Variants in KLHL8 observed in about 807,000 individuals in gnomAD.
KLHL8 encodes kelch like family member 8.
Under a neutral mutation model 63.5 loss-of-function variants are expected in KLHL8, and 38 were observed. The ratio of observed to expected loss-of-function variants is 0.60; its 90% confidence interval spans 0.46 to 0.78. KLHL8 has a LOEUF of 0.78. KLHL8 is among the 30% of genes least tolerant of loss of function. The pLI is 0.00. For missense variants in KLHL8, 566 were observed against 752.4 expected, an observed-to-expected ratio of 0.75 and a Z score of 2.90; for synonymous variants, 224 against 254.3, an observed-to-expected ratio of 0.88 and a Z score of 1.13.
In KLHL8 at chr4:87,183,322, T is replaced by C; in HGVS notation, c.833A>G (p.Gln278Arg). 1 of 1,613,528 alleles carries C rather than the reference T, an allele frequency of 6.2e-7. No homozygotes were observed. The highest frequency in any genetic ancestry group is 8.5e-7 in the Non-Finnish European group (1 of 1,179,580). ...GVVAKEQIVK[Q>R]NLKCRDLLDE... is the part of the protein sequence containing the mutation. ...CAGTAAATCTCTACATTTTAGATTT[T>C]GCTTGACAATCTGTTCTTTTGCCAC... is the stretch of plus-strand genomic sequence containing the variant. Residue 278 changes from glutamine (Q) to arginine (R), a missense_variant, in exon 4 of 10, where the codon CAA (glutamine) becomes CGA (arginine). By Grantham distance (43) the Gln-to-Arg change is conservative. Transcript: ENST00000273963.
intron 1 of KLHL8, among the ~76,000 whole-genome samples, chr4:87,210,729 G>T (rs1314318352): frequency 2.0e-5 from 3 of 151,958 alleles, no homozygotes; most frequent in East Asian, 3.9e-4. Flanking sequence ...CATACTTTAG[G>T]CTATTTCACA....
At chr4:87,164,942 A>AT (rs1730323724) in intron 8 of KLHL8, among the ~76,000 whole-genome samples, 1 of 151,980 alleles carries the variant, frequency 6.6e-6, no homozygotes. Context: ...AGGTCAGGAG[A>AT]TCGAGACCAT....
intron 6 of KLHL8, 100 bp downstream of exon 6, chr4:87,176,657 A>C (rs760112427): frequency 2.3e-5 from 16 of 688,076 alleles, no homozygotes; most frequent in African/African-American, 3.6e-5. Context: ...AAGGTATTTA[A>C]AGTTTCTAAA....
At chr4:87,190,145 C>T (rs903243859) in intron 2 of KLHL8, among the ~76,000 whole-genome samples, 23 of 151,544 alleles carry the variant, frequency 1.5e-4, no homozygotes, top group Admixed American at 2.6e-4. Flanking sequence ...TGCCCTTCTA[C>T]TCTAATATAC....
chr4:87,236,541 G>A lies in KLHL8; in HGVS notation n.57+3717C>T, dbSNP rs377261276. ...ATTTCTTAATAGACACCTTAAGGGAGGCAACCTCAAGGAAGGGCATAACAT... is the reference window on the plus strand; with the variant it reads ...ATTTCTTAATAGACACCTTAAGGGAAGCAACCTCAAGGAAGGGCATAACAT... On this transcript the variant is annotated intron_variant and non_coding_transcript_variant, in intron 1 of 1. Transcript: ENST00000506274. Among the ~76,000 whole-genome samples, 13 of 151,874 alleles carry A rather than the reference G, an allele frequency of 8.6e-5. No homozygotes were observed. In the East Asian group the frequency reaches 2.5e-3, roughly 29 times the overall value.
chr4:87,174,833 T>A (rs562611536), intron 6 of KLHL8, among the ~76,000 whole-genome samples: 2 of 152,322 alleles, frequency 1.3e-5, no homozygotes, highest in East Asian at 3.9e-4. Context: ...TTTCTGACAA[T>A]ACAATTCCAA....
At chr4:87,223,847 C>T (rs922435809), upstream of KLHL8, among the ~76,000 whole-genome samples, 38 of 152,090 alleles carry the variant, frequency 2.5e-4, no homozygotes, top group African/African-American at 8.5e-4. Flanking sequence ...CTAAATCGGA[C>T]GAAATGTCTT....
At chr4:87,192,502 A>T (rs1437604188) in intron 2 of KLHL8, among the ~76,000 whole-genome samples, 4 of 152,170 alleles carry the variant, frequency 2.6e-5, no homozygotes, top group Non-Finnish European at 5.9e-5. Context: ...ATTGTGTTAC[A>T]ACTGCATACA....
At chr4:87,191,020 AAAT>A (rs1276362618) in intron 2 of KLHL8, among the ~76,000 whole-genome samples, 8 of 152,248 alleles carry the variant, frequency 5.3e-5, no homozygotes, top group Non-Finnish European at 1.0e-4. Flanking sequence ...AAACCTTTAT[AAAT>A]AAGAACATCC....
At chr4:87,191,022 A>G (rs993262650) in intron 2 of KLHL8, among the ~76,000 whole-genome samples, 2 of 152,210 alleles carry the variant, frequency 1.3e-5, no homozygotes, top group Non-Finnish European at 2.9e-5. Flanking sequence ...ACCTTTATAA[A>G]TAAGAACATC....
upstream of KLHL8, among the ~76,000 whole-genome samples, chr4:87,224,455 G>A (rs997948031): frequency 6.6e-5 from 10 of 152,132 alleles, no homozygotes; most frequent in Admixed American, 4.6e-4. Context: ...AATGAAGAAG[G>A]TTATTTTATC....
intron 1 of KLHL8, chr4:87,207,021 C>T (rs1418355978): frequency 1.6e-5 from 5 of 321,326 alleles, no homozygotes; most frequent in South Asian, 6.0e-5. Context: ...GTCAACTTGG[C>T]TCTCTGCTCC....
At position 87,167,529 on chromosome 4, in the gene KLHL8, C is replaced by G. The variant is rs1056062942; in HGVS notation, c.1537+2550G>C. 3 of 542,614 alleles carry G rather than the reference C, an allele frequency of 5.5e-6. No homozygotes were observed. The African/African-American group carries it at 5.7e-5, about 10-fold the overall frequency. 33.6% of individuals were successfully genotyped at this position (542,614 alleles called of 1,614,324 possible). A position where few individuals can be genotyped will look rare whatever the true frequency, so the allele number is the denominator to read the frequency against. ...CAATGCGGTTGTGTCCTGGCTAAAT[C>G]AGAACTCGAATGGCCTTGTCTTTCT... On this transcript the variant is annotated intron_variant, in intron 8 of 9. Transcript: ENST00000273963.
intron 1 of KLHL8, chr4:87,207,122 C>G (rs1024778404): frequency 3.7e-6 from 2 of 533,884 alleles, no homozygotes; most frequent in South Asian, 3.1e-5. Flanking sequence ...CGGATTTGGT[C>G]GTATTGGATG....
intron 2 of KLHL8, among the ~76,000 whole-genome samples, chr4:87,189,471 A>G (rs762427522): frequency 2.0e-5 from 3 of 152,224 alleles, no homozygotes; most frequent in East Asian, 3.8e-4. Flanking sequence ...AAAAACTTTG[A>G]GTAATTTTCC....
chr4:87,207,118 T>C (rs1732162459), intron 1 of KLHL8: 10 of 529,130 alleles, frequency 1.9e-5, no homozygotes, highest in South Asian at 1.6e-4. Flanking sequence ...TCAACGGATT[T>C]GGTCGTATTG....
At position 87,185,551 on chromosome 4, in the gene KLHL8, A is replaced by G. The variant is rs758100064; in HGVS notation, c.465T>C (p.Ala155=). ...CILQVELVAR[A]CCEYMKLHFH... is the part of the protein sequence containing the mutation. ...AATGTAACTTCATGTATTCACAACA[A>G]GCTCTAGCCACCAGTTCAACCTGCA... Residue 155 remains alanine, a synonymous_variant, in exon 3 of 10, where the codon GCT becomes GCC. Coordinates refer to ENST00000273963, the MANE Select transcript of KLHL8 (RefSeq NM_020803.5). The G allele has an allele frequency of 1.9e-6, 3 of 1,614,206 alleles. No individual in the cohort carries two copies. The South Asian group carries it at 3.3e-5, about 18-fold the overall frequency.
At chr4:87,203,312 C>A (rs922203082) in intron 1 of KLHL8, among the ~76,000 whole-genome samples, 1 of 151,928 alleles carries the variant, frequency 6.6e-6, no homozygotes, top group South Asian at 2.1e-4. Flanking sequence ...CCGAGATGGG[C>A]GGTTCACAAG....
At chr4:87,163,843 G>T in intron 9 of KLHL8, 35 bp downstream of exon 9, 1 of 1,590,898 alleles carries the variant, frequency 6.3e-7, no homozygotes, top group Non-Finnish European at 8.6e-7. Flanking sequence ...TATACCAGAA[G>T]ATAATATAAA....
Sources: gnomAD v4.1 joint callset for allele counts (sites outside exome capture counted in the v4.1 genomes callset) on GRCh38, gnomAD v4.1.1 for gene constraint, MANE v1.5 for transcripts, NCBI Gene and HGNC (gene_info 2026-07-23, HGNC 2026-07-21) for gene names.